Variants in MMP2 observed in about 807,000 individuals in gnomAD.
MMP2 encodes 72 kDa type IV collagenase.
MMP2 carries 39 observed loss-of-function variants against 74.8 expected under a neutral mutation model. The observed-to-expected ratio is 0.52, with a 90% CI of 0.40 to 0.68. MMP2 has a LOEUF of 0.68. Among genes scored for constraint, MMP2 ranks in the 30% least tolerant of loss-of-function variants. MMP2 has a pLI of 0.00. For missense variants in MMP2, 803 were observed against 878.3 expected (o/e 0.91, Z 1.08); for synonymous variants, 367 against 339.8 (o/e 1.08, Z -0.88).
chr16:55,493,624 C>T (rs528873602), intron 9 of MMP2, among the ~76,000 whole-genome samples: 7 of 152,334 alleles, frequency 4.6e-5, no homozygotes, highest in African/African-American at 1.7e-4. Context: ...CTGAACTACA[C>T]AAGCTCATTT....
Position 55,506,553 on chromosome 16 carries a change from GAACAGTAACAATA to G in MMP2, c.*1113_*1125del, listed in dbSNP as rs1962807201. 6.6e-6 allele frequency: 1 copy of G among 152,172 alleles called. No individual in the cohort carries two copies. The highest frequency in any genetic ancestry group is 2.4e-5 in the African/African-American group (1 of 41,434). 9.4% of individuals were successfully genotyped at this position (152,172 alleles called of 1,614,324 possible). A position where few individuals can be genotyped will look rare whatever the true frequency, so the allele number is the denominator to read the frequency against. ...CAGTTTTAATGCTACTACTAACAAT[GAACAGTAACAATA>G]ATATCCCCCTCAATTAATAGAGTGC... On this transcript the variant is annotated 3_prime_UTR_variant, in exon 13 of 13. Coordinates refer to ENST00000219070, the MANE Select transcript of MMP2 (RefSeq NM_004530.6).
Position 55,505,491 on chromosome 16 carries a change from C to T in MMP2, c.*49C>T. ...CTTCCTCTCCACTGCCTTCGATACA[C>T]CGGGCCTGGAGAACTAGAGAAGGAC... On this transcript the variant is annotated 3_prime_UTR_variant, in exon 13 of 13. Coordinates refer to ENST00000219070, the MANE Select transcript of MMP2 (RefSeq NM_004530.6). The T allele has an allele frequency of 6.5e-7, 1 of 1,530,510 alleles. No individual in the cohort carries two copies. The highest frequency in any genetic ancestry group is 9.1e-7 in the Non-Finnish European group (1 of 1,104,498). 94.8% of individuals were successfully genotyped at this position (1,530,510 alleles called of 1,614,324 possible).
intron 2 of MMP2, 38 bp downstream of exon 2, chr16:55,483,173 C>A: frequency 6.5e-7 from 1 of 1,537,732 alleles, no homozygotes; most frequent in Non-Finnish European, 9.0e-7. Flanking sequence ...GGCCATGGGG[C>A]TGAGGGACAC....
chr16:55,497,051 T>G lies in MMP2; in HGVS notation c.1598T>G (p.Val533Gly). The change falls in exon 10 of 13, where the codon GTG becomes GGG. Residue 533 changes from valine to glycine, a missense_variant. Physicochemically the swap from Val to Gly is moderately radical, Grantham distance 109. Around this residue, in one of 3 missense-constraint regions of MMP2, gnomAD observed 555 missense variants for 592.0 expected, o/e 0.94. Coordinates refer to ENST00000219070, the MANE Select transcript of MMP2 (RefSeq NM_004530.6). ...VYEAPQEEKA[V>G]FFAGNEYWIY... ...GAGGCCCCACAGGAGGAGAAGGCTG[T>G]GTTCTTTGCAGGTGTGTGGGAAGCA... 1.2e-6 allele frequency: 2 copies of G among 1,614,124 alleles called. No homozygotes were observed. Among genetic ancestry groups the G allele is most frequent in the African/African-American group, 1.3e-5 (1 of 75,060 alleles).
intron 2 of MMP2, among the ~76,000 whole-genome samples, 153 bp from the exon 3 acceptor site, chr16:55,483,863 T>A (rs189040606): frequency 7.9e-5 from 12 of 152,304 alleles, no homozygotes; most frequent in African/African-American, 2.9e-4. Flanking sequence ...TACACATACC[T>A]GTGCACCCTT....
intron 12 of MMP2, 116 bp downstream of exon 12, chr16:55,503,004 G>A: frequency 1.2e-6 from 1 of 829,172 alleles, no homozygotes; most frequent in Non-Finnish European, 2.0e-6. Flanking sequence ...GCGGCGCCCA[G>A]GAAAACAAAT....
At position 55,489,830 on chromosome 16, in the gene MMP2, A is replaced by T. The variant is rs765435519; in HGVS notation, c.1180+6A>T. Reference sequence around the variant, plus strand: ...GGGCTTCTGCCCTGACCAAGGTACGAGGCCCTGGTCATTGGACAGAGACCC... The same window carrying T: ...GGGCTTCTGCCCTGACCAAGGTACGTGGCCCTGGTCATTGGACAGAGACCC... On this transcript the variant is annotated splice_donor_region_variant and intron_variant, in intron 7 of 12. Coordinates refer to ENST00000219070, the MANE Select transcript of MMP2 (RefSeq NM_004530.6). The T allele has an allele frequency of 4.3e-6, 7 of 1,613,786 alleles. No homozygotes were observed. Among genetic ancestry groups the T allele is most frequent in the Non-Finnish European group, 5.9e-6 (7 of 1,179,842 alleles).
chr16:55,499,473 C>T (rs982839642), intron 11 of MMP2, among the ~76,000 whole-genome samples: 2 of 152,042 alleles, frequency 1.3e-5, no homozygotes, highest in Non-Finnish European at 2.9e-5. Context: ...TCACAGCAGG[C>T]CCGTGGCTGT....
intron 8 of MMP2, among the ~76,000 whole-genome samples, chr16:55,492,191 C>T (rs1464224065): frequency 6.6e-6 from 1 of 152,096 alleles, no homozygotes; most frequent in Non-Finnish European, 1.5e-5. Flanking sequence ...TCACTCTTAG[C>T]GCTCCATTTC....
chr16:55,482,597 A>G (rs1488630024), intron 1 of MMP2, among the ~76,000 whole-genome samples: 1 of 152,220 alleles, frequency 6.6e-6, no homozygotes, highest in Non-Finnish European at 1.5e-5. Context: ...TAGGGTTAGT[A>G]TATCTACATT....
Position 55,498,338 on chromosome 16 carries a change from C to G in MMP2, c.1659C>G (p.Pro553=), listed in dbSNP as rs747523622. The G allele has an allele frequency of 1.1e-5, 17 of 1,614,168 alleles. No individual in the cohort carries two copies. Among genetic ancestry groups the G allele is most frequent in the South Asian group, 7.7e-5 (7 of 91,090 alleles). ...CCAGCACCCTGGAGCGAGGGTACCC[C>G]AAGCCACTGACCAGCCTGGGACTGC... ...YSASTLERGY[P]KPLTSLGLPP... is the part of the protein sequence containing the mutation. Residue 553 remains proline (P), a synonymous_variant, in exon 11 of 13, where the codon CCC becomes CCG. Transcript: ENST00000219070.
rs2287074 is a variant in MMP2 at position 55,493,201 on chromosome 16, G to C, written c.1380G>C (p.Thr460=). The change falls in exon 9 of 13, where the codon ACG becomes ACC. Residue 460 remains threonine (T), a synonymous_variant. Coordinates refer to ENST00000219070, the MANE Select transcript of MMP2 (RefSeq NM_004530.6). ...ACCTTGGCACCGGCCCCACCCCCAC[G>C]CTGGGCCCTGTCACTCCTGAGATCT... ...DIDLGTGPTP[T]LGPVTPEICK... 4 of 1,613,704 alleles carry C rather than the reference G, an allele frequency of 2.5e-6. No individual in the cohort carries two copies. The highest frequency in any genetic ancestry group is 3.4e-6 in the Non-Finnish European group (4 of 1,179,896).
Position 55,491,783 on chromosome 16 carries a change from C to T in MMP2, c.1181-18C>T. 6.2e-7 allele frequency: 1 copy of T among 1,614,194 alleles called. No homozygotes were observed. The highest frequency in any genetic ancestry group is 8.5e-7 in the Non-Finnish European group (1 of 1,180,026). On this transcript the variant is annotated intron_variant, in intron 7 of 12. Coordinates refer to ENST00000219070, the MANE Select transcript of MMP2 (RefSeq NM_004530.6). ...CTCTTCCTGTCTTTCAACCCTCTCT[C>T]CTCCCTGCAACCCTCAGGGTACAGC...
chr16:55,493,367 A>T, intron 9 of MMP2, 74 bp downstream of exon 9: 2 of 1,596,124 alleles, frequency 1.3e-6, no homozygotes, highest in Non-Finnish European at 1.7e-6. Flanking sequence ...CTTTTCCCTC[A>T]CTCTTCGCTG....
intron 11 of MMP2, 148 bp downstream of exon 11, chr16:55,498,596 G>T: frequency 1.0e-6 from 1 of 982,488 alleles, no homozygotes; most frequent in Non-Finnish European, 1.6e-6. Context: ...TTGGTCTCTG[G>T]CACCTCTGAG....
chr16:55,482,694 C>T (rs1962134328), intron 1 of MMP2, among the ~76,000 whole-genome samples: 1 of 152,194 alleles, frequency 6.6e-6, no homozygotes, highest in African/African-American at 2.4e-5. Context: ...CAAGTGGTAG[C>T]CATGCTCTCT....
intron 12 of MMP2, among the ~76,000 whole-genome samples, chr16:55,504,791 TA>T (rs1442088366): frequency 2.0e-5 from 3 of 151,890 alleles, no homozygotes; most frequent in Non-Finnish European, 4.4e-5. Context: ...TAGCTGGGAC[TA>T]CAGGCGCCTA....
intron 11 of MMP2, among the ~76,000 whole-genome samples, chr16:55,500,658 A>G (rs754749044): frequency 5.9e-5 from 9 of 152,206 alleles, no homozygotes; most frequent in Admixed American, 1.3e-4. Flanking sequence ...CGTGCTCTAC[A>G]GAGGAACCAC....
chr16:55,497,734 G>A (rs1167290688), intron 10 of MMP2, among the ~76,000 whole-genome samples: 1 of 152,200 alleles, frequency 6.6e-6, no homozygotes, highest in Non-Finnish European at 1.5e-5. Context: ...TCCATGCGCT[G>A]GGCTTTGCCA....
Sources: gnomAD v4.1 joint callset for allele counts (sites outside exome capture counted in the v4.1 genomes callset) on GRCh38, gnomAD v4.1.1 for gene constraint, gnomAD v4.1.1 regional missense constraint, MANE v1.5 for transcripts, NCBI Gene and HGNC (gene_info 2026-07-23, HGNC 2026-07-21) for gene names.